DMBT1: variants seen among roughly 807,000 people sequenced by gnomAD.
DMBT1 encodes scavenger receptor cysteine-rich domain-containing protein DMBT1.
DMBT1 carries 198 observed loss-of-function variants against 252.9 expected under a neutral mutation model. That is an observed-to-expected ratio of 0.78 (90% CI 0.70 to 0.88). DMBT1 has a LOEUF of 0.88. DMBT1 is among the 40% of genes least tolerant of loss of function. The pLI is 0.00. For missense variants in DMBT1, 2,432 were observed against 2,404.7 expected (o/e 1.01, Z -0.24); for synonymous variants, 990 against 942.7 (o/e 1.05, Z -0.92).
At chr10:122,621,520 G>A in intron 44 of DMBT1, 140 bp downstream of exon 44, 1 of 1,416,984 alleles carries the variant, frequency 7.1e-7, no homozygotes, top group South Asian at 1.4e-5. Context: ...TCTCTGCTAA[G>A]AATCCATATG....
At chr10:122,565,527 T>A (rs891192258) in intron 1 of DMBT1, among the ~76,000 whole-genome samples, 12 of 152,268 alleles carry the variant, frequency 7.9e-5, no homozygotes, top group Non-Finnish European at 1.8e-4. Context: ...GAATAAAATG[T>A]TTTCAGGTTA....
rs139815166 is a variant in DMBT1, at chr10:122,574,243, A to G, written c.283+481A>G. Among the ~76,000 whole-genome samples the G allele has an allele frequency of 1.4e-3, 206 of 152,320 alleles. 1 individual carries two copies. The highest frequency in any genetic ancestry group is 2.4e-3 in the Non-Finnish European group (165 of 68,030). Reference sequence around the variant, plus strand: ...GAGAGAAATCACAATCCTTCAGCTCATGGGCATCAGAGCTCATGTACTTCC... The same window carrying G: ...GAGAGAAATCACAATCCTTCAGCTCGTGGGCATCAGAGCTCATGTACTTCC... On this transcript the variant is annotated intron_variant, in intron 6 of 55. Coordinates refer to ENST00000338354, the MANE Select transcript of DMBT1 (RefSeq NM_001377530.1).
intron 16 of DMBT1, among the ~76,000 whole-genome samples, chr10:122,588,167 C>T (rs2097808123): frequency 1.3e-5 from 2 of 148,652 alleles, no homozygotes; most frequent in Admixed American, 6.7e-5. Flanking sequence ...ACAGTAGGTA[C>T]AGAATCTTCT....
At chr10:122,594,349 G>A (rs1299795055) in intron 21 of DMBT1, 147 bp from the exon 22 acceptor site, 1 of 418,552 alleles carries the variant, frequency 2.4e-6, no homozygotes, top group African/African-American at 2.1e-5. Context: ...CACAGCACAG[G>A]AGACCTGGGA....
Position 122,593,613 on chromosome 10 carries a change from T to C in DMBT1, c.2530+15T>C, listed in dbSNP as rs375172156. 1.8e-5 allele frequency: 28 copies of C among 1,585,578 alleles called. 2 individuals are homozygous for C. Among genetic ancestry groups the C allele is most frequent in the Non-Finnish European group, 2.6e-6 (3 of 1,163,680 alleles). On this transcript the variant is annotated intron_variant, in intron 21 of 55. Transcript: ENST00000338354. The stretch of plus-strand genomic sequence containing the variant: ...ACCCAGTCCAGGTAGGTCCCCAGTG[T>C]CCTTCCTCAAAATGTCCCTTCTCTT...
chr10:122,618,011 C>A lies in DMBT1; in HGVS notation c.4892-6C>A. 6.2e-7 allele frequency: 1 copy of A among 1,612,418 alleles called. No individual in the cohort carries two copies. The highest frequency in any genetic ancestry group is 8.5e-7 in the Non-Finnish European group (1 of 1,179,714). ...ATGGATGAAGGGTTCTTGTGTTCCC[C>A]TGTAGGATCTGAATCCACTTTGGCC... On this transcript the variant is annotated splice_region_variant and splice_polypyrimidine_tract_variant and intron_variant, in intron 40 of 55. Transcript: ENST00000338354.
intron 1 of DMBT1, among the ~76,000 whole-genome samples, chr10:122,561,568 G>GCC: frequency 5.7e-5 from 1 of 17,498 alleles, no homozygotes; most frequent in Admixed American, 1.1e-3. Context: ...CTGTCTCTCT[G>GCC]CCTCTCTCTC....
At chr10:122,600,411 C>A (rs2133612237) in intron 27 of DMBT1, among the ~76,000 whole-genome samples, 1 of 152,300 alleles carries the variant, frequency 6.6e-6, no homozygotes, top group East Asian at 1.9e-4. Flanking sequence ...TCCGGACTCA[C>A]ATATAGTTTC....
chr10:122,568,759 G>A (rs759028599), intron 2 of DMBT1, among the ~76,000 whole-genome samples: 1 of 152,192 alleles, frequency 6.6e-6, no homozygotes, highest in Non-Finnish European at 1.5e-5. Context: ...AGCCCTGGGC[G>A]GGGCCCACTT....
chr10:122,569,276 A>T (rs2097638050), intron 2 of DMBT1, among the ~76,000 whole-genome samples: 1 of 152,312 alleles, frequency 6.6e-6, no homozygotes, highest in East Asian at 1.9e-4. Flanking sequence ...GCTGACGAGG[A>T]TGGAGGAACT....
At chr10:122,638,257 C>T (rs1162389286) in intron 54 of DMBT1, among the ~76,000 whole-genome samples, 1 of 152,096 alleles carries the variant, frequency 6.6e-6, no homozygotes, top group Non-Finnish European at 1.5e-5. Flanking sequence ...AGCCTGGAGA[C>T]TCCCTGAGCG....
chr10:122,588,086 C>T lies in DMBT1; in HGVS notation c.1784-858C>T, dbSNP rs1357449500. On this transcript the variant is annotated intron_variant, in intron 16 of 55. Transcript: ENST00000338354. ...TTTTCCTTTTGGAGCTTTTCACCCTCAAGTTTAATTCTAGCCTTTGTCTTT... is the reference window on the plus strand; with the variant it reads ...TTTTCCTTTTGGAGCTTTTCACCCTTAAGTTTAATTCTAGCCTTTGTCTTT... 1.3e-5 allele frequency among the ~76,000 whole-genome samples: 2 copies of T among 148,624 alleles called. 1 individual carries two copies. Among genetic ancestry groups the T allele is most frequent in the Non-Finnish European group, 3.0e-5 (2 of 66,794 alleles).
chr10:122,631,238 C>T lies in DMBT1; in HGVS notation c.6303C>T (p.Ser2101=), dbSNP rs2098162709. ...AGTGCCGGAACCGAGGCTGGTTCTC[C>T]CACAACTGTAATCATCGTGAAGATG... The part of the protein sequence containing the change: ...LWQCRNRGWF[S]HNCNHREDAG... Residue 2101 remains serine, a synonymous_variant, in exon 49 of 56, where the codon TCC becomes TCT. Transcript: ENST00000338354. 1.2e-6 allele frequency: 2 copies of T among 1,614,012 alleles called. No individual in the cohort carries two copies. The highest frequency in any genetic ancestry group is 1.7e-6 in the Non-Finnish European group (2 of 1,179,894).
chr10:122,598,849 A>C lies in DMBT1; in HGVS notation c.3032A>C (p.Gln1011Pro). The C allele has an allele frequency of 1.2e-6, 2 of 1,613,734 alleles. No homozygotes were observed. Among genetic ancestry groups the C allele is most frequent in the Non-Finnish European group, 1.7e-6 (2 of 1,179,756 alleles). The change falls in exon 26 of 56, where the codon CAA becomes CCA. Residue 1011 changes from glutamine to proline, a missense_variant. Coordinates refer to ENST00000338354, the MANE Select transcript of DMBT1 (RefSeq NM_001377530.1). ...RCQGRVEVLY[Q>P]GSWGTVCDDS... ...CAGGGCCGAGTGGAGGTCCTATACCAAGGCTCCTGGGGCACCGTGTGCGAT... is the reference window on the plus strand; with the variant it reads ...CAGGGCCGAGTGGAGGTCCTATACCCAGGCTCCTGGGGCACCGTGTGCGAT...
In DMBT1 at chr10:122,600,131, C is replaced by G. The variant is rs762822839; in HGVS notation, c.3310+38C>G. The G allele has an allele frequency of 1.9e-6, 3 of 1,600,422 alleles. No individual in the cohort carries two copies. The South Asian group carries it at 3.3e-5, about 18-fold the overall frequency. ...TGTCCTTCCTCAAAATGTCCCTTCT[C>G]TTTCTGCCCAATCACCCCTTCCACA... On this transcript the variant is annotated intron_variant, in intron 27 of 55. Coordinates refer to ENST00000338354, the MANE Select transcript of DMBT1 (RefSeq NM_001377530.1).
At chr10:122,574,277 T>C (rs1207100227) in intron 6 of DMBT1, among the ~76,000 whole-genome samples, 1 of 152,204 alleles carries the variant, frequency 6.6e-6, no homozygotes, top group Non-Finnish European at 1.5e-5. Flanking sequence ...CCCCCTTGGG[T>C]ATCTCCAGTG....
At chr10:122,634,161 G>A (rs533360598) in intron 52 of DMBT1, among the ~76,000 whole-genome samples, 6 of 152,154 alleles carry the variant, frequency 3.9e-5, no homozygotes, top group African/African-American at 1.4e-4. Flanking sequence ...AAAACAAAAA[G>A]AACAATTGTA....
At chr10:122,617,732 C>A (rs776993616) in intron 40 of DMBT1, among the ~76,000 whole-genome samples, 1 of 151,634 alleles carries the variant, frequency 6.6e-6, no homozygotes, top group African/African-American at 2.4e-5. Flanking sequence ...CTGTGGAGCT[C>A]CATCCTGTGT....
At chr10:122,638,074 C>T (rs568952177) in intron 54 of DMBT1, among the ~76,000 whole-genome samples, 4 of 152,312 alleles carry the variant, frequency 2.6e-5, no homozygotes, top group African/African-American at 9.6e-5. Flanking sequence ...CCCTCACTCC[C>T]AGGCAAATGA....
Sources: allele counts gnomAD v4.1 joint callset (sites outside exome capture counted in the v4.1 genomes callset), GRCh38; gene constraint gnomAD v4.1.1; transcripts MANE v1.5; gene names NCBI Gene and HGNC (gene_info 2026-07-23, HGNC 2026-07-21).